Variants in MARCHF1 observed in about 807,000 individuals in gnomAD.
MARCHF1 encodes the protein membrane associated ring-CH-type finger 1, also known as E3 ubiquitin-protein ligase MARCHF1.
Under a neutral mutation model 54.2 loss-of-function variants are expected in MARCHF1, and 40 were observed. The ratio of observed to expected loss-of-function variants is 0.74; its 90% CI spans 0.57 to 0.96. The LOEUF (loss-of-function observed/expected upper bound fraction) is 0.96. Ranked by LOEUF, MARCHF1 falls within the 40% of genes least tolerant of loss-of-function variation. The pLI, the probability that MARCHF1 is intolerant of heterozygous loss-of-function variation, is 0.00. For missense variants in MARCHF1, 586 were observed against 656.5 expected (o/e 0.89, Z 1.17); for synonymous variants, 236 against 236.3 (o/e 1.00, Z 0.01).
At chr4:163,977,043 A>T (rs6536768) in intron 3 of MARCHF1, among the ~76,000 whole-genome samples, 1 of 151,650 alleles carries the variant, frequency 6.6e-6, no homozygotes, top group African/African-American at 2.4e-5. Flanking sequence ...TTTCATAGAA[A>T]AGTTGTGAGT....
intron 3 of MARCHF1, among the ~76,000 whole-genome samples, chr4:163,875,049 C>T (rs1296715808): frequency 6.6e-6 from 1 of 152,128 alleles, no homozygotes; most frequent in Non-Finnish European, 1.5e-5. Flanking sequence ...ATTTTGACTT[C>T]ATGTTTATAA....
At chr4:163,637,533 C>G (rs1415444325) in intron 5 of MARCHF1, among the ~76,000 whole-genome samples, 1 of 151,784 alleles carries the variant, frequency 6.6e-6, no homozygotes, top group Non-Finnish European at 1.5e-5. Flanking sequence ...CAAATCAAAA[C>G]CACAATGAGA....
intron 2 of MARCHF1, among the ~76,000 whole-genome samples, chr4:164,099,461 A>G (rs1190360500): frequency 6.6e-6 from 1 of 152,202 alleles, no homozygotes; most frequent in African/African-American, 2.4e-5. Flanking sequence ...TCATTGAAAT[A>G]AAAATCAGTT....
intron 1 of MARCHF1, among the ~76,000 whole-genome samples, chr4:164,140,201 A>C (rs1035638891): frequency 1.8e-4 from 26 of 146,264 alleles, no homozygotes; most frequent in African/African-American, 6.0e-4. Context: ...ATACACACAC[A>C]TATATACACA....
rs1733826760 is a variant in MARCHF1, at chr4:164,274,659, C to CTTCTTTTTTTTTTTTTTTTTTTTTTTTTT, written c.-323+109210_-323+109211insAAAAAAAAAAAAAAAAAAAAAAAAAAGAA. 4.5e-5 allele frequency among the ~76,000 whole-genome samples: 2 copies of CTTCTTTTTTTTTTTTTTTTTTTTTTTTTT among 44,644 alleles called. 1 individual carries two copies. Among genetic ancestry groups the CTTCTTTTTTTTTTTTTTTTTTTTTTTTTT allele is most frequent in the African/African-American group, 1.5e-4 (2 of 13,408 alleles). 29.3% of individuals were successfully genotyped at this position (44,644 alleles called of 152,430 possible). Reference sequence around the variant, plus strand: ...CGCTTGATGTGTGCTTCAGGGTACACTTTTTTTTTTTTTTTTTTTTTTTTT... The same window carrying CTTCTTTTTTTTTTTTTTTTTTTTTTTTTT: ...CGCTTGATGTGTGCTTCAGGGTACACTTCTTTTTTTTTTTTTTTTTTTTTTTTTTTTTTTTTTTTTTTTTTTTTTTTTTT... On this transcript the variant is annotated intron_variant, in intron 1 of 9. Coordinates refer to ENST00000514618, the MANE Select transcript of MARCHF1 (RefSeq NM_001394959.1).
At chr4:164,221,652 T>C (rs1732115852) in intron 1 of MARCHF1, among the ~76,000 whole-genome samples, 1 of 151,998 alleles carries the variant, frequency 6.6e-6, no homozygotes. Flanking sequence ...CCTTCAGAAA[T>C]ATAGGATCTT....
intron 3 of MARCHF1, among the ~76,000 whole-genome samples, chr4:163,883,347 A>ATTTT (rs11398171): frequency 5.1e-5 from 7 of 138,290 alleles, no homozygotes; most frequent in African/African-American, 8.0e-5. Context: ...CTACGGATGT[A>ATTTT]TTTTTTTTTT....
intron 8 of MARCHF1, among the ~76,000 whole-genome samples, chr4:163,582,508 T>C (rs923113804): frequency 7.2e-5 from 11 of 152,228 alleles, no homozygotes; most frequent in Non-Finnish European, 1.3e-4. Flanking sequence ...GGTTTGTCTA[T>C]GAAGATTTGC....
intron 4 of MARCHF1, among the ~76,000 whole-genome samples, chr4:163,843,729 T>C (rs1456508781): frequency 1.3e-5 from 2 of 152,004 alleles, no homozygotes; most frequent in Non-Finnish European, 2.9e-5. Flanking sequence ...TGTGTTGTTC[T>C]TCTCCTTGTG....
intron 2 of MARCHF1, among the ~76,000 whole-genome samples, chr4:164,106,707 G>A (rs1333374959): frequency 3.4e-5 from 5 of 145,274 alleles, no homozygotes; most frequent in Non-Finnish European, 6.0e-5. Flanking sequence ...CATGGCACAT[G>A]TATACATATG....
At position 163,524,923 on chromosome 4, in the gene MARCHF1, C is replaced by G. The variant is rs1162368052; in HGVS notation, c.*3825G>C. 6.6e-6 allele frequency: 1 copy of G among 152,084 alleles called. No individual in the cohort carries two copies. The highest frequency in any genetic ancestry group is 2.1e-4 in the South Asian group (1 of 4,824). The allele number at this position is 152,084 out of a possible 1,614,324, so 9.4% of individuals were successfully genotyped here. A position where few individuals can be genotyped will look rare whatever the true frequency, so the allele number is the denominator to read the frequency against. On this transcript the variant is annotated 3_prime_UTR_variant, in exon 10 of 10. Coordinates refer to ENST00000514618, the MANE Select transcript of MARCHF1 (RefSeq NM_001394959.1). ...TCCTTCTTTGTTTTAATGCAGTATC[C>G]AGTTTCAAAATGGGCTTTCTTTAGA...
At chr4:163,715,704 C>A (rs1745236301) in intron 4 of MARCHF1, among the ~76,000 whole-genome samples, 1 of 151,700 alleles carries the variant, frequency 6.6e-6, no homozygotes, top group Admixed American at 6.6e-5. Context: ...TTCAAGACAT[C>A]TGAATTTCTC....
intron 5 of MARCHF1, among the ~76,000 whole-genome samples, chr4:163,672,317 T>C (rs1743764823): frequency 6.6e-6 from 1 of 152,142 alleles, no homozygotes; most frequent in South Asian, 2.1e-4. Context: ...ATGTGAAGGT[T>C]TGTTACATAG....
At chr4:163,706,117 G>A (rs1023019922) in intron 4 of MARCHF1, among the ~76,000 whole-genome samples, 1 of 152,042 alleles carries the variant, frequency 6.6e-6, no homozygotes, top group South Asian at 2.1e-4. Flanking sequence ...GTTATAGGTT[G>A]CCTAAGGTCA....
chr4:163,981,493 G>A (rs911366952), intron 3 of MARCHF1, among the ~76,000 whole-genome samples: 5 of 152,048 alleles, frequency 3.3e-5, no homozygotes, highest in Non-Finnish European at 5.9e-5. Context: ...TAACAGGGTC[G>A]CAGAGACAAG....
chr4:163,731,363 C>A (rs932448124), intron 4 of MARCHF1, among the ~76,000 whole-genome samples: 1 of 152,138 alleles, frequency 6.6e-6, no homozygotes, highest in Non-Finnish European at 1.5e-5. Flanking sequence ...AAAAAAACAA[C>A]AAAATATAAG....
chr4:164,147,834 TCAATAAAAA>T (rs1315538712), intron 1 of MARCHF1, among the ~76,000 whole-genome samples: 1,926 of 130,664 alleles, frequency 0.015, 40 homozygotes, highest in African/African-American at 0.057. Context: ...ATAAAAAAAG[TCAATAAAAA>T]AAATAAATTC....
intron 1 of MARCHF1, among the ~76,000 whole-genome samples, chr4:164,222,379 G>A (rs952462451): frequency 5.9e-5 from 9 of 151,846 alleles, no homozygotes; most frequent in African/African-American, 2.2e-4. Flanking sequence ...CACAGAAATG[G>A]TGATTTCATC....
chr4:164,022,068 T>C (rs1481706498), intron 2 of MARCHF1, among the ~76,000 whole-genome samples: 1 of 152,144 alleles, frequency 6.6e-6, no homozygotes, highest in Non-Finnish European at 1.5e-5. Flanking sequence ...ATTTTTGTTA[T>C]ATATTTTACT....
Sources: gnomAD v4.1 joint callset for allele counts (sites outside exome capture counted in the v4.1 genomes callset) on GRCh38, gnomAD v4.1.1 for gene constraint, MANE v1.5 for transcripts, NCBI Gene and HGNC (gene_info 2026-07-23, HGNC 2026-07-21) for gene names.